Variants in CFAP20DC observed in about 807,000 individuals in gnomAD.
The protein encoded by CFAP20DC is protein CFAP20DC.
CFAP20DC carries 84 observed loss-of-function variants against 101.7 expected under a neutral mutation model. The observed-to-expected ratio is 0.83, with a 90% CI of 0.69 to 0.99. The LOEUF is 0.99. Among genes scored for constraint, CFAP20DC ranks in the 50% least tolerant of loss-of-function variants. CFAP20DC has a pLI of 0.00. For synonymous variants in CFAP20DC, 359 were observed against 351.2 expected (o/e 1.02, Z -0.25); for missense variants, 1,007 against 970.3 (o/e 1.04, Z -0.50).
intron 14 of CFAP20DC, among the ~76,000 whole-genome samples, chr3:58,814,533 AG>A (rs1271115866): frequency 6.6e-6 from 1 of 151,214 alleles, no homozygotes; most frequent in African/African-American, 2.5e-5. Context: ...AAGGAAATAA[AG>A]GGTATTCAAT....
At chr3:58,943,204 C>T (rs570135462) in intron 4 of CFAP20DC, among the ~76,000 whole-genome samples, 16 of 152,324 alleles carry the variant, frequency 1.1e-4, no homozygotes, top group African/African-American at 3.8e-4. Context: ...GCAGATCTCT[C>T]AGCACAGTGC....
chr3:58,943,868 A>G (rs2088977441), intron 4 of CFAP20DC, among the ~76,000 whole-genome samples: 1 of 152,160 alleles, frequency 6.6e-6, no homozygotes, highest in Non-Finnish European at 1.5e-5. Context: ...CGAGTTTAGA[A>G]AAGAATATAA....
intron 14 of CFAP20DC, among the ~76,000 whole-genome samples, chr3:58,815,302 C>G (rs1314797671): frequency 6.7e-6 from 1 of 149,196 alleles, no homozygotes; most frequent in Non-Finnish European, 1.5e-5. Flanking sequence ...ACTGGCTAGC[C>G]ATATGTAGAA....
At chr3:58,935,146 C>G (rs1019427362) in intron 5 of CFAP20DC, among the ~76,000 whole-genome samples, 3 of 152,122 alleles carry the variant, frequency 2.0e-5, no homozygotes, top group Non-Finnish European at 4.4e-5. Context: ...ATCAGAGAGC[C>G]AAATCATGAG....
intron 14 of CFAP20DC, among the ~76,000 whole-genome samples, chr3:58,823,368 T>C (rs571766385): frequency 6.6e-6 from 1 of 152,278 alleles, no homozygotes; most frequent in South Asian, 2.1e-4. Context: ...GATTTTGGCA[T>C]TCAGTCATAC....
At chr3:58,876,441 G>T (rs536692221) in intron 7 of CFAP20DC, among the ~76,000 whole-genome samples, 1 of 151,950 alleles carries the variant, frequency 6.6e-6, no homozygotes, top group African/African-American at 2.4e-5. Context: ...ATTCTAAAAG[G>T]AGCTCTTTTA....
chr3:58,739,458 G>A (rs2067832624), downstream of CFAP20DC, among the ~76,000 whole-genome samples: 1 of 152,094 alleles, frequency 6.6e-6, no homozygotes, highest in Non-Finnish European at 1.5e-5. Flanking sequence ...AAAATGTTTG[G>A]TACACACTTG....
chr3:59,017,364 T>G (rs1454336105), intron 4 of CFAP20DC: 1 of 152,090 alleles, frequency 6.6e-6, no homozygotes, highest in Non-Finnish European at 1.5e-5. Context: ...AACTTGCGAT[T>G]GAAGCTCCCG....
intron 15 of CFAP20DC, among the ~76,000 whole-genome samples, chr3:58,787,512 CAACA>C (rs895765505): frequency 1.1e-4 from 17 of 151,476 alleles, no homozygotes; most frequent in South Asian, 6.3e-4. Flanking sequence ...ATTAAAAAAC[CAACA>C]AACAAACAAA....
At position 58,897,356 on chromosome 3, in the gene CFAP20DC, A is replaced by T. The variant is rs986664325; in HGVS notation, c.551-12647T>A. The stretch of plus-strand genomic sequence containing the variant: ...ATTGTGTCTTTTAATGGGGACACTA[A>T]GCCCATTTACATCTAAGGTTAGTAT... On this transcript the variant is annotated intron_variant, in intron 6 of 16. Coordinates refer to ENST00000482387, the MANE Select transcript of CFAP20DC (RefSeq NM_001394063.1). This position sits in a 1 kb window ranked among gnomAD's most constrained non-coding sequence, Gnocchi z 4.4. Among the ~76,000 whole-genome samples, 76 of 152,206 alleles carry T rather than the reference A, an allele frequency of 5.0e-4. No individual in the cohort carries two copies. The highest frequency in any genetic ancestry group is 1.7e-3 in the African/African-American group (70 of 41,444).
rs527612187 is a variant in CFAP20DC, at chr3:58,948,042, T to A, written c.279-10280A>T. Among the ~76,000 whole-genome samples, 3 of 152,276 alleles carry A rather than the reference T, an allele frequency of 2.0e-5. No homozygotes were observed. The South Asian group carries it at 6.2e-4, about 32-fold the overall frequency. ...AGTTGTATATTGGAACTTGGGTCCA[T>A]GGGTGAAGTGGGCCTCCACAGCATC... On this transcript the variant is annotated intron_variant, in intron 4 of 16. Coordinates refer to ENST00000482387, the MANE Select transcript of CFAP20DC (RefSeq NM_001394063.1).
chr3:58,725,320 TAAG>T (rs1469315717), intron 3 of CFAP20DC, among the ~76,000 whole-genome samples: 2 of 152,124 alleles, frequency 1.3e-5, no homozygotes, highest in African/African-American at 2.4e-5. Context: ...GTAAAGAAGG[TAAG>T]GAGTGATCTG....
chr3:59,010,702 C>A (rs1433085269), intron 4 of CFAP20DC, among the ~76,000 whole-genome samples: 1 of 152,148 alleles, frequency 6.6e-6, no homozygotes, highest in East Asian at 1.9e-4. Context: ...TACTCTAGAA[C>A]AAATGGATTT....
chr3:58,940,507 C>T (rs187464984), intron 4 of CFAP20DC, among the ~76,000 whole-genome samples: 1 of 152,246 alleles, frequency 6.6e-6, no homozygotes, highest in Non-Finnish European at 1.5e-5. Flanking sequence ...ATACAATTGT[C>T]CCAACACCAT....
chr3:58,802,371 C>T (rs2073771517), intron 15 of CFAP20DC, among the ~76,000 whole-genome samples: 1 of 152,192 alleles, frequency 6.6e-6, no homozygotes, highest in Non-Finnish European at 1.5e-5. Context: ...ATTGTTTCCT[C>T]CTACCCCACA....
chr3:58,791,633 G>C (rs2072867705), intron 15 of CFAP20DC, among the ~76,000 whole-genome samples: 1 of 152,126 alleles, frequency 6.6e-6, no homozygotes, highest in African/African-American at 2.4e-5. Context: ...GTGTCAGTCA[G>C]AATAAGGGTA....
chr3:58,895,482 C>T (rs1350144704), intron 6 of CFAP20DC, among the ~76,000 whole-genome samples: 1 of 152,208 alleles, frequency 6.6e-6, no homozygotes, highest in Non-Finnish European at 1.5e-5. Context: ...CAGTTCTCAA[C>T]AAGTTCCTCA....
At chr3:58,880,743 T>C (rs1179263690) in intron 7 of CFAP20DC, among the ~76,000 whole-genome samples, 1 of 152,154 alleles carries the variant, frequency 6.6e-6, no homozygotes, top group Non-Finnish European at 1.5e-5. Context: ...TCAACAGATA[T>C]TATTTCACAC....
In CFAP20DC at chr3:59,008,840, C is replaced by T. The variant is rs180890132; in HGVS notation, c.278+30717G>A. ...CAAACCTGCACATTGTGCACATGTA[C>T]CCTAAAACTTAAAGTATAATAATAA... On this transcript the variant is annotated intron_variant, in intron 4 of 16. Transcript: ENST00000482387. 5.9e-5 allele frequency among the ~76,000 whole-genome samples: 9 copies of T among 151,712 alleles called. No homozygotes were observed. The East Asian group carries it at 1.7e-3, about 29-fold the overall frequency.
Sources: allele counts gnomAD v4.1 joint callset (sites outside exome capture counted in the v4.1 genomes callset), GRCh38; gene constraint gnomAD v4.1.1; non-coding constraint Gnocchi (gnomAD v3.1); transcripts MANE v1.5; gene names NCBI Gene and HGNC (gene_info 2026-07-23, HGNC 2026-07-21).